The following RYR2 variants were observed in gnomAD, a reference collection of about 807,000 sequenced individuals.
RYR2 encodes cardiac muscle ryanodine receptor-calcium release channel.
RYR2 carries 227 observed loss-of-function variants against 601.1 expected under a neutral mutation model. That is an observed-to-expected ratio of 0.38 (90% confidence interval 0.34 to 0.42). The LOEUF (loss-of-function observed/expected upper bound fraction) is 0.42. Among genes scored for constraint, RYR2 ranks in the 10% least tolerant of loss-of-function variants. RYR2 has a pLI of 1.00. For synonymous variants in RYR2, 2,223 were observed against 2,175.1 expected, an observed-to-expected ratio of 1.02 and a Z score of -0.61; for missense variants, 4,646 against 6,156.5, an observed-to-expected ratio of 0.75 and a Z score of 8.21.
At chr1:237,301,558 TA>T (rs1693355266) in intron 2 of RYR2, among the ~76,000 whole-genome samples, 1 of 152,286 alleles carries the variant, frequency 6.6e-6, no homozygotes, top group African/African-American at 2.4e-5. Context: ...GCTACAAGTT[TA>T]AATTTTCTTC....
chr1:237,453,285 AC>A (rs1658423464), intron 14 of RYR2, among the ~76,000 whole-genome samples: 1 of 152,088 alleles, frequency 6.6e-6, no homozygotes, highest in South Asian at 2.1e-4. Context: ...TCAGGCAAAA[AC>A]TTTAAAATAG....
At position 237,138,134 on chromosome 1, in the gene RYR2, C is replaced by T. The variant is rs187838559; in HGVS notation, c.48+95565C>T. 1.2e-4 allele frequency among the ~76,000 whole-genome samples: 18 copies of T among 152,220 alleles called. 1 individual carries two copies. The East Asian group carries it at 3.1e-3, about 26-fold the overall frequency. ...GTAGCTTCTGCCTCCTGGGTTCAAG[C>T]GATTCTCCTGCCTCAGGCTCCTGAG... On this transcript the variant is annotated intron_variant, in intron 1 of 104. Coordinates refer to ENST00000366574, the MANE Select transcript of RYR2 (RefSeq NM_001035.3).
intron 76 of RYR2, among the ~76,000 whole-genome samples, chr1:237,729,958 A>G (rs1303764618): frequency 6.6e-6 from 1 of 152,166 alleles, no homozygotes; most frequent in Non-Finnish European, 1.5e-5. Flanking sequence ...AAGGCTTACA[A>G]AACTGAAATG....
At chr1:237,395,660 C>T (rs1395611472) in intron 10 of RYR2, among the ~76,000 whole-genome samples, 1 of 151,062 alleles carries the variant, frequency 6.6e-6, no homozygotes, top group African/African-American at 2.4e-5. Context: ...CATTCTCCTG[C>T]CTCATCCTCC....
Position 237,832,008 on chromosome 1 carries a change from A to G in RYR2, c.14808+443A>G, listed in dbSNP as rs74595361. 8.9e-3 allele frequency among the ~76,000 whole-genome samples: 1,358 copies of G among 152,252 alleles called. 18 individuals are homozygous for G. Among genetic ancestry groups the G allele is most frequent in the South Asian group, 0.034 (164 of 4,822 alleles). On this transcript the variant is annotated intron_variant, in intron 104 of 104. Transcript: ENST00000366574. ...TTGAATTTGAAGGATACGATATTTT[A>G]AGAGAACCCTCAGAAGCATAAATGT... is the stretch of plus-strand genomic sequence containing the variant.
intron 6 of RYR2, among the ~76,000 whole-genome samples, chr1:237,370,665 T>TTC (rs1426717994): frequency 2.0e-5 from 3 of 150,968 alleles, no homozygotes; most frequent in Admixed American, 2.0e-4. Flanking sequence ...CATTCCATTT[T>TTC]TTTTTTTTTT....
chr1:237,783,626 A>C (rs1695305282), intron 89 of RYR2, 49 bp from the exon 90 acceptor site: 18 of 1,152,042 alleles, frequency 1.6e-5, no homozygotes, highest in Non-Finnish European at 1.9e-5. Context: ...CTGTATGATC[A>C]CTGATTTTGT....
intron 12 of RYR2, among the ~76,000 whole-genome samples, chr1:237,432,336 A>T (rs909480102): frequency 6.6e-6 from 1 of 152,260 alleles, no homozygotes; most frequent in Admixed American, 6.5e-5. Flanking sequence ...ACTTGTAGGG[A>T]CAGAAACAGA....
In RYR2 at chr1:237,496,708, A is replaced by T; in HGVS notation, c.2159A>T (p.Asp720Val). 2 of 1,613,902 alleles carry T rather than the reference A, an allele frequency of 1.2e-6. No homozygotes were observed. The highest frequency in any genetic ancestry group is 1.7e-6 in the Non-Finnish European group (2 of 1,179,860). ...GAGTGGGGTGGAAATGGTGTTGGAGATGATCTCTTCTCCTATGGATTTGAT... is the reference window on the plus strand; with the variant it reads ...GAGTGGGGTGGAAATGGTGTTGGAGTTGATCTCTTCTCCTATGGATTTGAT... ...GEEWGGNGVG[D>V]DLFSYGFDGL... Residue 720 changes from aspartate to valine, a missense_variant, in exon 20 of 105, where the codon GAT (aspartate) becomes GTT (valine). This residue lies in a region of RYR2 where 1,807 missense variants were observed against 2,088.1 expected (regional missense o/e 0.87). Transcript: ENST00000366574.
chr1:237,625,617 AT>A lies in RYR2; in HGVS notation c.6023-42del, dbSNP rs1275853862. The A allele has an allele frequency of 2.5e-6, 4 of 1,590,218 alleles. 1 individual carries two copies. In the South Asian group the frequency reaches 3.4e-5, roughly 14 times the overall value. On this transcript the variant is annotated intron_variant, in intron 39 of 104. Coordinates refer to ENST00000366574, the MANE Select transcript of RYR2 (RefSeq NM_001035.3). Reference sequence around the variant, plus strand: ...GCCTCAGAATTATTTGCCCAAGTGTATTCTTTAAATATTTTTTTCTGCCTCT... The same window carrying A: ...GCCTCAGAATTATTTGCCCAAGTGTATCTTTAAATATTTTTTTCTGCCTCT...
intron 24 of RYR2, among the ~76,000 whole-genome samples, chr1:237,512,747 C>A (rs1666036002): frequency 6.6e-6 from 1 of 152,122 alleles, no homozygotes; most frequent in East Asian, 1.9e-4. Flanking sequence ...ATGGCGCACA[C>A]CTGAGTCCCA....
chr1:237,679,728 A>C (rs886593954), intron 61 of RYR2, among the ~76,000 whole-genome samples: 10 of 152,212 alleles, frequency 6.6e-5, no homozygotes, highest in African/African-American at 2.4e-4. Context: ...CAGAGCTCAG[A>C]ATGTGGGACT....
intron 3 of RYR2, among the ~76,000 whole-genome samples, chr1:237,346,618 C>T (rs566896749): frequency 1.2e-4 from 18 of 152,170 alleles, no homozygotes; most frequent in East Asian, 5.8e-4. Flanking sequence ...TGTACTGAGT[C>T]GGCTTCATTG....
intron 27 of RYR2, among the ~76,000 whole-genome samples, chr1:237,558,823 A>T (rs577267970): frequency 6.6e-6 from 1 of 152,118 alleles, no homozygotes; most frequent in Non-Finnish European, 1.5e-5. Flanking sequence ...TTCATACTTG[A>T]CTAACGGACT....
At chr1:237,319,398 C>A (rs1037301387) in intron 2 of RYR2, among the ~76,000 whole-genome samples, 2 of 152,040 alleles carry the variant, frequency 1.3e-5, no homozygotes. Context: ...TAAAACTGGA[C>A]ATTTTAGATA....
At chr1:237,154,161 T>C (rs1675045593) in intron 1 of RYR2, among the ~76,000 whole-genome samples, 1 of 152,212 alleles carries the variant, frequency 6.6e-6, no homozygotes, top group Non-Finnish European at 1.5e-5. Flanking sequence ...TGGATGCGGA[T>C]TATGAGTTAT....
chr1:237,233,241 T>C (rs1330573260), intron 1 of RYR2, among the ~76,000 whole-genome samples: 1 of 152,222 alleles, frequency 6.6e-6, no homozygotes, highest in African/African-American at 2.4e-5. Context: ...AGTATCTGTG[T>C]TTCCATTCAT....
intron 96 of RYR2, among the ~76,000 whole-genome samples, chr1:237,797,658 G>A (rs12043362): frequency 0.056 from 8,478 of 152,268 alleles, 317 homozygotes; most frequent in African/African-American, 0.1. Context: ...TATCAATAAC[G>A]TGAAACCTAC....
At chr1:237,392,183 C>G (rs190630405) in intron 10 of RYR2, among the ~76,000 whole-genome samples, 2 of 152,134 alleles carry the variant, frequency 1.3e-5, no homozygotes, top group African/African-American at 4.8e-5. Context: ...AGAAGCAAGT[C>G]TGGTAGTTGG....
Sources: allele counts gnomAD v4.1 joint callset (sites outside exome capture counted in the v4.1 genomes callset), GRCh38; gene constraint gnomAD v4.1.1; regional missense constraint gnomAD v4.1.1; transcripts MANE v1.5; gene names NCBI Gene and HGNC (gene_info 2026-07-23, HGNC 2026-07-21).